The following CMIP variants were observed in gnomAD, a reference collection of about 807,000 sequenced individuals.
CMIP encodes c-Maf inducing protein.
CMIP carries 13 observed loss-of-function variants against 97.3 expected under a neutral mutation model. That is an observed-to-expected ratio of 0.13 (90% confidence interval 0.09 to 0.21). CMIP has a LOEUF of 0.21. Ranked by LOEUF, CMIP falls within the 10% of genes least tolerant of loss-of-function variation. CMIP has a pLI of 1.00. For missense variants in CMIP, 847 were observed against 1,024.9 expected (o/e 0.83, Z 2.37); for synonymous variants, 538 against 436.3 (o/e 1.23, Z -2.91).
chr16:81,459,279 A>G (rs1365370339), intron 1 of CMIP, among the ~76,000 whole-genome samples: 1 of 152,168 alleles, frequency 6.6e-6, no homozygotes, highest in Non-Finnish European at 1.5e-5. Context: ...GGAAAGTCTC[A>G]CAGTTTTCTT....
intron 1 of CMIP, among the ~76,000 whole-genome samples, chr16:81,536,822 C>T (rs138045240): frequency 1.3e-5 from 2 of 152,192 alleles, no homozygotes; most frequent in East Asian, 1.9e-4. Context: ...AGCATGCACA[C>T]GTACAGCTCA....
intron 1 of CMIP, among the ~76,000 whole-genome samples, chr16:81,468,322 T>C (rs1413339180): frequency 6.6e-6 from 1 of 152,186 alleles, no homozygotes; most frequent in African/African-American, 2.4e-5. Context: ...GATGTGTCCG[T>C]TTTCTGGAAG....
Position 81,537,464 on chromosome 16 carries a change from G to T in CMIP, c.301-70103G>T, listed in dbSNP as rs145685601. The stretch of plus-strand genomic sequence containing the variant: ...ACAGGAGAATTGCTTGAACCTGGGA[G>T]GCAGAGGTCGCTCTGAGCCAAGATT... On this transcript the variant is annotated intron_variant, in intron 1 of 20. Transcript: ENST00000537098. Among the ~76,000 whole-genome samples the T allele has an allele frequency of 4.9e-3, 736 of 149,900 alleles. 7 individuals carry two copies. The highest frequency in any genetic ancestry group is 0.017 in the African/African-American group (703 of 40,850).
chr16:81,487,174 G>T (rs1035666783), intron 1 of CMIP, among the ~76,000 whole-genome samples: 3 of 152,176 alleles, frequency 2.0e-5, no homozygotes, highest in Admixed American at 6.5e-5. Flanking sequence ...AACCGGGGGG[G>T]GTGTGGGGGC....
chr16:81,653,360 G>A (rs62043835), intron 4 of CMIP, among the ~76,000 whole-genome samples: 30 of 152,194 alleles, frequency 2.0e-4, no homozygotes, highest in African/African-American at 5.5e-4. Context: ...GCCTGGCACC[G>A]GCCCTCCGTG....
chr16:81,607,978 C>T (rs2091772421), intron 2 of CMIP, among the ~76,000 whole-genome samples: 1 of 152,188 alleles, frequency 6.6e-6, no homozygotes, highest in African/African-American at 2.4e-5. Context: ...GTTTTATGAT[C>T]CCCATTTTAC....
chr16:81,664,703 C>T, intron 7 of CMIP: 3 of 458,522 alleles, frequency 6.5e-6, no homozygotes, highest in Non-Finnish European at 1.1e-5. Context: ...CTGCGCACAG[C>T]GAGGTCCTTC....
At chr16:81,533,770 C>G (rs1356162048) in intron 1 of CMIP, 1 of 152,328 alleles carries the variant, frequency 6.6e-6, no homozygotes, top group Non-Finnish European at 1.5e-5. Context: ...TGAGCCACCG[C>G]GCCTGGCCTA....
At chr16:81,451,219 C>T (rs994774062) in intron 1 of CMIP, among the ~76,000 whole-genome samples, 1 of 152,126 alleles carries the variant, frequency 6.6e-6, no homozygotes, top group African/African-American at 2.4e-5. Context: ...GGGGCGCTTT[C>T]CCCCATACTG....
intron 1 of CMIP, among the ~76,000 whole-genome samples, chr16:81,523,299 C>T (rs1049268933): frequency 1.3e-5 from 2 of 152,190 alleles, no homozygotes; most frequent in African/African-American, 2.4e-5. Context: ...GAGATCTCTC[C>T]GTTGATTCCT....
chr16:81,570,248 A>G (rs2091062551), intron 1 of CMIP, among the ~76,000 whole-genome samples: 1 of 152,084 alleles, frequency 6.6e-6, no homozygotes, highest in Non-Finnish European at 1.5e-5. Flanking sequence ...GAGAAGGCGC[A>G]TCCTCTGGGG....
At chr16:81,471,725 T>TGA (rs1370039121) in intron 1 of CMIP, among the ~76,000 whole-genome samples, 1 of 152,192 alleles carries the variant, frequency 6.6e-6, no homozygotes, top group Non-Finnish European at 1.5e-5. Context: ...GTGATAAAGT[T>TGA]TAATTTATAC....
At chr16:81,598,974 A>AG (rs1356001588) in intron 1 of CMIP, among the ~76,000 whole-genome samples, 1 of 149,482 alleles carries the variant, frequency 6.7e-6, no homozygotes, top group Non-Finnish European at 1.5e-5. Flanking sequence ...GTCTCAAAAA[A>AG]AAAAAAAAAA....
intron 1 of CMIP, among the ~76,000 whole-genome samples, chr16:81,567,426 C>T (rs1003277387): frequency 1.3e-5 from 2 of 152,244 alleles, no homozygotes; most frequent in African/African-American, 4.8e-5. Context: ...GGCCCAGGAG[C>T]TCCAAGTCAG....
intron 2 of CMIP, among the ~76,000 whole-genome samples, chr16:81,618,332 ACT>A (rs1264792519): frequency 4.6e-5 from 7 of 151,366 alleles, no homozygotes; most frequent in African/African-American, 1.7e-4. Context: ...CTTTAGTCTG[ACT>A]CTGCCCTCCT....
At position 81,702,677 on chromosome 16, in the gene CMIP, G is replaced by A; in HGVS notation, c.1944+8G>A. ...CTGCCCTCCAAGTCCACAGTGAGTT[G>A]GTTTGGTTCTCTTTGGGGCTGGATG... is the stretch of plus-strand genomic sequence containing the variant. On this transcript the variant is annotated splice_region_variant and intron_variant, in intron 17 of 20. Coordinates refer to ENST00000537098, the MANE Select transcript of CMIP (RefSeq NM_198390.3). 6.2e-7 allele frequency: 1 copy of A among 1,612,698 alleles called. No individual in the cohort carries two copies. Among genetic ancestry groups the A allele is most frequent in the East Asian group, 2.2e-5 (1 of 44,866 alleles).
chr16:81,685,906 G>A (rs1017863501), intron 10 of CMIP, among the ~76,000 whole-genome samples: 5 of 152,124 alleles, frequency 3.3e-5, no homozygotes, highest in Admixed American at 6.5e-5. Flanking sequence ...CTTCTCAGGT[G>A]TGAGCCGGGC....
chr16:81,523,050 C>T (rs1412203271), intron 1 of CMIP, among the ~76,000 whole-genome samples: 3 of 152,120 alleles, frequency 2.0e-5, no homozygotes, highest in Admixed American at 2.0e-4. Context: ...CCTCAGCCCC[C>T]CAAGTAGCTG....
chr16:81,634,023 T>C (rs2092201729), intron 3 of CMIP, among the ~76,000 whole-genome samples: 3 of 152,236 alleles, frequency 2.0e-5, no homozygotes, highest in African/African-American at 7.2e-5. Context: ...AACCGGTAGC[T>C]CAGTGGTTTT....
Sources: allele counts gnomAD v4.1 joint callset (sites outside exome capture counted in the v4.1 genomes callset), GRCh38; gene constraint gnomAD v4.1.1; transcripts MANE v1.5; gene names NCBI Gene and HGNC (gene_info 2026-07-23, HGNC 2026-07-21).